The following TRPM4 variants were observed in gnomAD, a reference collection of about 807,000 sequenced individuals.
The protein encoded by TRPM4 is transient receptor potential cation channel subfamily M member 4.
Under a neutral mutation model 135.6 loss-of-function variants are expected in TRPM4, and 124 were observed. That is an observed-to-expected ratio of 0.91 (90% CI 0.79 to 1.06). TRPM4 has a LOEUF of 1.06. Among genes scored for constraint, TRPM4 ranks in the 50% least tolerant of loss-of-function variants. The pLI, the probability that TRPM4 is intolerant of heterozygous loss-of-function variation, is 0.00. For synonymous variants in TRPM4, 745 were observed against 705.6 expected (o/e 1.06, Z -0.88); for missense variants, 1,658 against 1,671.4 (o/e 0.99, Z 0.14).
intron 20 of TRPM4, among the ~76,000 whole-genome samples, chr19:49,204,989 T>A: frequency 7.1e-6 from 1 of 140,002 alleles, no homozygotes; most frequent in Admixed American, 6.9e-5. Flanking sequence ...GTTGTTTTTT[T>A]TTTTTTTTTT....
chr19:49,164,682 TCTTGCTTGCTTGCTTG>T lies in TRPM4; in HGVS notation c.93-1331_93-1316del, dbSNP rs113888558. Among the ~76,000 whole-genome samples the T allele has an allele frequency of 1.2e-4, 18 of 144,656 alleles. No homozygotes were observed. In the South Asian group the frequency reaches 1.3e-3, roughly 11 times the overall value. The allele number at this position is 144,656 out of a possible 152,430, so 94.9% of individuals were successfully genotyped here. A position where few individuals can be genotyped will look rare whatever the true frequency, so the allele number is the denominator to read the frequency against. ...CAGGCATGAGCCACTGCGCCCGGCC[TCTTGCTTGCTTGCTTG>T]CTTGCTTGCTTGCTTGCTTGCTTGC... On this transcript the variant is annotated intron_variant, in intron 2 of 24. Coordinates refer to ENST00000252826, the MANE Select transcript of TRPM4 (RefSeq NM_017636.4).
chr19:49,200,559 TGGGGCCAGAGTAGGAAAGGGC>T, intron 18 of TRPM4, 31 bp from the exon 19 acceptor site: 1 of 1,599,218 alleles, frequency 6.3e-7, no homozygotes, highest in Non-Finnish European at 8.5e-7. Context: ...GATATAGGGG[TGGGGCCAGAGTAGGAAAGGGC>T]GGGGCCAGAC....
Position 49,210,434 on chromosome 19 carries a change from G to A in TRPM4, c.3328+29G>A. The A allele has an allele frequency of 1.2e-6, 2 of 1,608,260 alleles. No homozygotes were observed. The highest frequency in any genetic ancestry group is 1.7e-6 in the Non-Finnish European group (2 of 1,178,432). ...AGAACAGAGCTTGGCTTAAAAAGGA[G>A]AAATATAGGGGACCGGGAGCCTGGA... On this transcript the variant is annotated intron_variant, in intron 21 of 24. Coordinates refer to ENST00000252826, the MANE Select transcript of TRPM4 (RefSeq NM_017636.4). The surrounding 1 kb of genome is among the most constrained non-coding windows in gnomAD (Gnocchi z 4.1).
In TRPM4 at chr19:49,210,674, G is replaced by A. The variant is rs1600545035; in HGVS notation, c.3329-36G>A. 3 of 1,613,804 alleles carry A rather than the reference G, an allele frequency of 1.9e-6. No homozygotes were observed. The highest frequency in any genetic ancestry group is 2.5e-6 in the Non-Finnish European group (3 of 1,179,990). ...GGGGCAGCTGGGATTGGGAAGGGGCGTGGCCTGAGCCCTTTGACTCCGCCC... is the reference window on the plus strand; with the variant it reads ...GGGGCAGCTGGGATTGGGAAGGGGCATGGCCTGAGCCCTTTGACTCCGCCC... On this transcript the variant is annotated intron_variant, in intron 21 of 24. Transcript: ENST00000252826. The surrounding 1 kb of genome is among the most constrained non-coding windows in gnomAD (Gnocchi z 4.1).
intron 2 of TRPM4, among the ~76,000 whole-genome samples, chr19:49,160,483 CAA>C (rs555159944): frequency 2.5e-4 from 17 of 67,830 alleles, no homozygotes; most frequent in Non-Finnish European, 3.3e-4. Context: ...GACTCCATCT[CAA>C]AAAAAAAAAA....
intron 9 of TRPM4, among the ~76,000 whole-genome samples, chr19:49,177,239 G>A (rs1344445767): frequency 6.6e-6 from 1 of 152,044 alleles, no homozygotes; most frequent in Non-Finnish European, 1.5e-5. Flanking sequence ...ACAGTCCACT[G>A]GGGGAACTGG....
chr19:49,177,041 G>A (rs1967722601), intron 9 of TRPM4, among the ~76,000 whole-genome samples: 1 of 151,848 alleles, frequency 6.6e-6, no homozygotes. Flanking sequence ...CCAATAAGAG[G>A]GATCTCCTCT....
rs576247061 is a variant in TRPM4 at position 49,170,325 on chromosome 19, A to T, written c.797-1032A>T. Among the ~76,000 whole-genome samples the T allele has an allele frequency of 4.1e-4, 63 of 152,122 alleles. 1 individual carries two copies. Among genetic ancestry groups the T allele is most frequent in the African/African-American group, 1.5e-3 (62 of 41,480 alleles). On this transcript the variant is annotated intron_variant, in intron 6 of 24. Coordinates refer to ENST00000252826, the MANE Select transcript of TRPM4 (RefSeq NM_017636.4). ...TGCCTCAGCCTCCCGAGTAGCTGGG[A>T]CTATAGGCACGAGCCACCACTCCCA...
intron 20 of TRPM4, among the ~76,000 whole-genome samples, chr19:49,206,501 G>A (rs1336653022): frequency 3.4e-5 from 5 of 148,928 alleles, no homozygotes; most frequent in Non-Finnish European, 5.9e-5. Flanking sequence ...GTGCAATGGC[G>A]CGATCTCAGC....
intron 15 of TRPM4, 25 bp downstream of exon 15, chr19:49,190,345 T>C: frequency 4.4e-6 from 7 of 1,602,422 alleles, no homozygotes; most frequent in South Asian, 1.1e-5. Context: ...GTGAGAGTGG[T>C]GGGGATGGGG....
At chr19:49,206,502 C>T (rs1026513923) in intron 20 of TRPM4, among the ~76,000 whole-genome samples, 5 of 150,204 alleles carry the variant, frequency 3.3e-5, no homozygotes, top group African/African-American at 1.2e-4. Flanking sequence ...TGCAATGGCG[C>T]GATCTCAGCT....
rs765701578 is a variant in TRPM4 at position 49,200,591 on chromosome 19, T to A, written c.2779-20T>A. ...AGAGTAGGAAAGGGCGGGGCCAGACTCAGCCACATCTCCCCACAGATGAAG... is the reference window on the plus strand; with the variant it reads ...AGAGTAGGAAAGGGCGGGGCCAGACACAGCCACATCTCCCCACAGATGAAG... On this transcript the variant is annotated intron_variant, in intron 18 of 24. Transcript: ENST00000252826. 6.2e-7 allele frequency: 1 copy of A among 1,610,578 alleles called. No individual in the cohort carries two copies. Among genetic ancestry groups the A allele is most frequent in the African/African-American group, 1.3e-5 (1 of 75,006 alleles).
intron 18 of TRPM4, 37 bp downstream of exon 18, chr19:49,200,469 A>T: frequency 1.1e-6 from 1 of 872,676 alleles, no homozygotes; most frequent in Non-Finnish European, 1.7e-6. Context: ...GCGGGGACAT[A>T]GGGAAAGGGG....
Position 49,196,426 on chromosome 19 carries a change from C to T in TRPM4, c.2211-14C>T, listed in dbSNP as rs777552228. The T allele has an allele frequency of 6.5e-7, 1 of 1,530,288 alleles. No individual in the cohort carries two copies. 94.8% of individuals were successfully genotyped at this position (1,530,288 alleles called of 1,614,324 possible). A position where few individuals can be genotyped will look rare whatever the true frequency, so the allele number is the denominator to read the frequency against. On this transcript the variant is annotated splice_polypyrimidine_tract_variant and intron_variant, in intron 16 of 24. Coordinates refer to ENST00000252826, the MANE Select transcript of TRPM4 (RefSeq NM_017636.4). Reference sequence around the variant, plus strand: ...AGAGTGAGGCCTCCTCCCTTCTCTTCTCTTCCCCCACAGGACGGCGGACCC... The same window carrying T: ...AGAGTGAGGCCTCCTCCCTTCTCTTTTCTTCCCCCACAGGACGGCGGACCC...
At position 49,196,874 on chromosome 19, in the gene TRPM4, G is replaced by A. The variant is rs770484238; in HGVS notation, c.2645G>A (p.Arg882Gln). Residue 882 changes from arginine to glutamine, a missense_variant and splice_region_variant, in exon 17 of 25, where the codon CGG becomes CAG. Arg to Gln is a conservative substitution (Grantham distance 43). Transcript: ENST00000252826. ...LTCFLLGVGC[R>Q]LTPGLYHLGR... ...TGCTTCCTCCTGGGCGTGGGCTGCCGGTGAGTGCCCCGGGGCCTTGGAACC... is the reference window on the plus strand; with the variant it reads ...TGCTTCCTCCTGGGCGTGGGCTGCCAGTGAGTGCCCCGGGGCCTTGGAACC... 1.0e-5 allele frequency: 16 copies of A among 1,578,264 alleles called. No individual in the cohort carries two copies. The highest frequency in any genetic ancestry group is 3.4e-5 in the South Asian group (3 of 87,420).
At position 49,196,664 on chromosome 19, in the gene TRPM4, C is replaced by T; in HGVS notation, c.2435C>T (p.Ser812Phe). The T allele has an allele frequency of 1.3e-6, 2 of 1,547,272 alleles. No homozygotes were observed. Among genetic ancestry groups the T allele is most frequent in the Admixed American group, 3.9e-5 (2 of 51,632 alleles). Residue 812 changes from serine to phenylalanine, a missense_variant, in exon 17 of 25, where the codon TCC becomes TTC. Coordinates refer to ENST00000252826, the MANE Select transcript of TRPM4 (RefSeq NM_017636.4). ...LVDFQPAPPG[S>F]LELLLYFWAF... ...GATTTCCAGCCGGCGCCGCCCGGCT[C>T]CCTGGAGCTGCTGCTCTATTTCTGG...
intron 9 of TRPM4, among the ~76,000 whole-genome samples, chr19:49,174,194 C>T (rs769248624): frequency 6.6e-6 from 1 of 151,992 alleles, no homozygotes. Flanking sequence ...GCTCTGTCGC[C>T]CAGGCTGGAG....
At chr19:49,177,365 C>T (rs990193289) in intron 9 of TRPM4, among the ~76,000 whole-genome samples, 12 of 140,608 alleles carry the variant, frequency 8.5e-5, no homozygotes, top group Non-Finnish European at 1.2e-4. Flanking sequence ...GACAGTGTCT[C>T]GCTCTGTCGC....
Position 49,175,002 on chromosome 19 carries a change from C to G in TRPM4, c.1150+2894C>G, listed in dbSNP as rs114046386. On this transcript the variant is annotated intron_variant, in intron 9 of 24. Transcript: ENST00000252826. ...CACTACAGTCTTGACCTCCTGGGCT[C>G]AAGAGATCCTCTCACCTCAGCCCCA... Among the ~76,000 whole-genome samples the G allele has an allele frequency of 6.9e-3, 1,020 of 146,798 alleles. 14 individuals carry two copies. The highest frequency in any genetic ancestry group is 0.025 in the African/African-American group (973 of 39,544).
Sources: allele counts gnomAD v4.1 joint callset (sites outside exome capture counted in the v4.1 genomes callset), GRCh38; gene constraint gnomAD v4.1.1; non-coding constraint Gnocchi (gnomAD v3.1); transcripts MANE v1.5; gene names NCBI Gene and HGNC (gene_info 2026-07-23, HGNC 2026-07-21).